C17orf99: variants seen among roughly 807,000 people sequenced by gnomAD.
The protein encoded by C17orf99 is chromosome 17 open reading frame 99, also known as protein IL-40.
In C17orf99, 18 loss-of-function variants were observed where a neutral mutation model predicts 22.6. The ratio of observed to expected loss-of-function variants is 0.80; its 90% confidence interval spans 0.55 to 1.18. The LOEUF is 1.18. Ranked by LOEUF, C17orf99 falls within the 50% of genes most tolerant of loss-of-function variation. C17orf99 has a pLI of 0.00. For missense variants in C17orf99, 328 were observed against 342.7 expected, an observed-to-expected ratio of 0.96 and a Z score of 0.34; for synonymous variants, 147 against 136.6, an observed-to-expected ratio of 1.08 and a Z score of -0.53.
At position 78,165,929 on chromosome 17, in the gene C17orf99, G is replaced by A; in HGVS notation, c.681G>A (p.Glu227=). The change falls in exon 5 of 5, where the codon GAG becomes GAA. Residue 227 remains glutamate (E), a synonymous_variant. Transcript: ENST00000340363. ...QKMEDWQGPL[E]SPILALPLYR... ...TGGAGGACTGGCAGGGTCCCCTGGA[G>A]AGCCCCATCCTTGCCTTGCCGCTCT... 1 of 1,446,034 alleles carries A rather than the reference G, an allele frequency of 6.9e-7. No individual in the cohort carries two copies. Among genetic ancestry groups the A allele is most frequent in the African/African-American group, 1.4e-5 (1 of 70,870 alleles). The allele number at this position is 1,446,034 out of a possible 1,614,324, so 89.6% of individuals were successfully genotyped here. A position where few individuals can be genotyped will look rare whatever the true frequency, so the allele number is the denominator to read the frequency against.
chr17:78,165,925 T>C lies in C17orf99; in HGVS notation c.677T>C (p.Leu226Pro), dbSNP rs1191286847. The C allele has an allele frequency of 3.5e-6, 5 of 1,433,230 alleles. No homozygotes were observed. The highest frequency in any genetic ancestry group is 4.6e-6 in the Non-Finnish European group (5 of 1,078,066). The allele number at this position is 1,433,230 out of a possible 1,614,324, so 88.8% of individuals were successfully genotyped here. ...AAGATGGAGGACTGGCAGGGTCCCC[T>C]GGAGAGCCCCATCCTTGCCTTGCCG... ...DQKMEDWQGPLESPILALPLY... is the reference protein window; with the variant it reads ...DQKMEDWQGPPESPILALPLY... The change falls in exon 5 of 5, where the codon CTG becomes CCG. Residue 226 changes from leucine (L) to proline (P), a missense_variant. Physicochemically the swap from Leu to Pro is moderately conservative, Grantham distance 98. Transcript: ENST00000340363.
chr17:78,158,299 C>T (rs561126712), intron 2 of C17orf99: 1 of 390,882 alleles, frequency 2.6e-6, no homozygotes, highest in Non-Finnish European at 4.9e-6. Context: ...TCCTCCTACA[C>T]ATTTTTTTTT....
At chr17:78,164,468 G>T (rs768257304) in intron 4 of C17orf99, 104 bp downstream of exon 4, 1 of 1,546,098 alleles carries the variant, frequency 6.5e-7, no homozygotes, top group Admixed American at 2.0e-5. Flanking sequence ...AGCTCTACCC[G>T]GCCACTGCTG....
intron 2 of C17orf99, chr17:78,160,623 C>A (rs2075566698): frequency 3.2e-6 from 1 of 314,510 alleles, no homozygotes; most frequent in South Asian, 4.1e-5. Context: ...GTCGCCCAGG[C>A]TGGAGTGCAG....
chr17:78,156,150 C>T (rs1303072203), intron 2 of C17orf99, among the ~76,000 whole-genome samples: 1 of 150,688 alleles, frequency 6.6e-6, no homozygotes. Flanking sequence ...GCCAATGTGG[C>T]GAAACCCAGT....
chr17:78,164,962 G>A (rs756025727), intron 4 of C17orf99: 840 of 1,138,048 alleles, frequency 7.4e-4, no homozygotes, highest in Non-Finnish European at 8.8e-4. Flanking sequence ...GTTCTTTATG[G>A]GGTCTGAGCA....
chr17:78,150,543 T>C (rs1360827410), intron 2 of C17orf99, among the ~76,000 whole-genome samples: 2 of 152,182 alleles, frequency 1.3e-5, no homozygotes, highest in Non-Finnish European at 2.9e-5. Flanking sequence ...TAGATAATTG[T>C]AACCCAGAAG....
Position 78,166,010 on chromosome 17 carries a change from T to C in C17orf99, c.762T>C (p.Asn254=), listed in dbSNP as rs1359332242. The C allele has an allele frequency of 6.8e-7, 1 of 1,463,968 alleles. No homozygotes were observed. The highest frequency in any genetic ancestry group is 2.2e-4 in the Middle Eastern group (1 of 4,570). 90.7% of individuals were successfully genotyped at this position (1,463,968 alleles called of 1,614,324 possible). A position where few individuals can be genotyped will look rare whatever the true frequency, so the allele number is the denominator to read the frequency against. ...AGTTTGGGGGGTTCAGGATAGGGAA[T>C]GGGGAGGTCAGAGGACGCAAAGCAG... ...EEEFGGFRIG[N]GEVRGRKAAA... The change falls in exon 5 of 5, where the codon AAT becomes AAC. Residue 254 remains asparagine, a synonymous_variant. Transcript: ENST00000340363.
intron 2 of C17orf99, chr17:78,158,713 TG>T: frequency 6.0e-6 from 1 of 166,760 alleles, no homozygotes. Context: ...GCCGTGGCTT[TG>T]GGGAAGCTGC....
chr17:78,161,787 T>G (rs2075578954), intron 3 of C17orf99, among the ~76,000 whole-genome samples: 1 of 146,930 alleles, frequency 6.8e-6, no homozygotes, highest in African/African-American at 2.5e-5. Context: ...GAGGTTGCAG[T>G]GAGCCAAGAT....
At chr17:78,163,942 C>T (rs1222115630) in intron 3 of C17orf99, among the ~76,000 whole-genome samples, 153 bp from the exon 4 acceptor site, 4 of 152,260 alleles carry the variant, frequency 2.6e-5, no homozygotes, top group African/African-American at 7.2e-5. Context: ...GCAGCCCAGA[C>T]ACAAGGTGGA....
chr17:78,166,101 A>G lies in C17orf99; in HGVS notation c.*55A>G, dbSNP rs2075615642. ...AGAGGACTGCAGGCCATCAGCGTGC[A>G]CTGTTCGTATTTGGAGTTCATGCAA... On this transcript the variant is annotated 3_prime_UTR_variant, in exon 5 of 5. Transcript: ENST00000340363. The G allele has an allele frequency of 9.6e-6, 5 of 522,884 alleles. No homozygotes were observed. Among genetic ancestry groups the G allele is most frequent in the Non-Finnish European group, 3.0e-6 (1 of 336,010 alleles). 32.4% of individuals were successfully genotyped at this position (522,884 alleles called of 1,614,324 possible).
chr17:78,164,053 AC>A, intron 3 of C17orf99, 41 bp from the exon 4 acceptor site: 2 of 1,512,530 alleles, frequency 1.3e-6, no homozygotes, highest in Non-Finnish European at 1.8e-6. Flanking sequence ...GGGGTTTAAA[AC>A]CGCTCAGCCA....
chr17:78,163,822 C>T (rs918849543), intron 3 of C17orf99, among the ~76,000 whole-genome samples: 4 of 152,170 alleles, frequency 2.6e-5, no homozygotes, highest in South Asian at 2.1e-4. Context: ...GCCTAGATCG[C>T]GCCATTGCAC....
intron 2 of C17orf99, chr17:78,157,488 C>T: frequency 7.9e-7 from 1 of 1,263,910 alleles, no homozygotes; most frequent in East Asian, 3.1e-5. Context: ...CCAATGCAGT[C>T]CTCAGCATTG....
chr17:78,146,354 C>T, upstream of C17orf99: 1 of 1,526,138 alleles, frequency 6.6e-7, no homozygotes, highest in African/African-American at 1.4e-5. This position sits in a 1 kb window ranked among gnomAD's most constrained non-coding sequence, Gnocchi z 5.2. Context: ...GTGGGGGAGG[C>T]CAGGAACTAG....
At chr17:78,152,327 C>T (rs1456810007) in intron 2 of C17orf99, among the ~76,000 whole-genome samples, 2 of 146,986 alleles carry the variant, frequency 1.4e-5, no homozygotes, top group South Asian at 4.4e-4. Context: ...TACCACCATG[C>T]CTGCTTAATT....
At chr17:78,159,683 C>T (rs1021657053) in intron 2 of C17orf99, among the ~76,000 whole-genome samples, 1 of 151,840 alleles carries the variant, frequency 6.6e-6, no homozygotes, top group African/African-American at 2.4e-5. Context: ...AGATTTTCAT[C>T]ACCCCAAAAG....
chr17:78,164,565 G>A, intron 4 of C17orf99: 2 of 1,532,538 alleles, frequency 1.3e-6, no homozygotes, highest in Non-Finnish European at 1.7e-6. Flanking sequence ...CCCCCTCCCA[G>A]GAGGGTTGCC....
Sources: allele counts gnomAD v4.1 joint callset (sites outside exome capture counted in the v4.1 genomes callset), GRCh38; gene constraint gnomAD v4.1.1; non-coding constraint Gnocchi (gnomAD v3.1); transcripts MANE v1.5; gene names NCBI Gene and HGNC (gene_info 2026-07-23, HGNC 2026-07-21).